Variants in SYCP2L observed in about 807,000 individuals in gnomAD.
The protein encoded by SYCP2L is synaptonemal complex protein 2 like.
Under a neutral mutation model 125.8 loss-of-function variants are expected in SYCP2L, and 98 were observed. That is an observed-to-expected ratio of 0.78 (90% CI 0.66 to 0.92). The LOEUF (loss-of-function observed/expected upper bound fraction) is 0.92, where lower values mean the gene tolerates loss of function less well. SYCP2L is among the 40% of genes least tolerant of loss of function. The pLI is 0.00. For synonymous variants in SYCP2L, 317 were observed against 325.4 expected (o/e 0.97, Z 0.28); for missense variants, 842 against 936.4 (o/e 0.90, Z 1.32).
chr6:10,973,358 C>A (rs990839922), intron 29 of SYCP2L, among the ~76,000 whole-genome samples: 5 of 152,152 alleles, frequency 3.3e-5, no homozygotes, highest in African/African-American at 9.7e-5. Context: ...TGTGGCGAAA[C>A]CCCGTCTCTA....
intron 11 of SYCP2L, 52 bp downstream of exon 11, chr6:10,910,252 A>C (rs1281312755): frequency 7.9e-6 from 12 of 1,524,596 alleles, no homozygotes; most frequent in Admixed American, 1.7e-5. Flanking sequence ...AAAATGTCTA[A>C]TATTTTAAAA....
At chr6:10,936,359 T>C (rs1048814813) in intron 21 of SYCP2L, among the ~76,000 whole-genome samples, 2 of 151,944 alleles carry the variant, frequency 1.3e-5, no homozygotes, top group African/African-American at 4.8e-5. Flanking sequence ...TAGCCAGGCA[T>C]GGTGGCAGGC....
intron 23 of SYCP2L, among the ~76,000 whole-genome samples, chr6:10,945,823 T>TTTACCTTATTG (rs1383699743): frequency 6.6e-6 from 1 of 151,346 alleles, no homozygotes; most frequent in Non-Finnish European, 1.5e-5. Flanking sequence ...AAGTAAAATA[T>TTTACCTTATTG]TTACCTTATT....
chr6:10,917,088 C>A (rs1001194159), intron 14 of SYCP2L, among the ~76,000 whole-genome samples: 3 of 152,146 alleles, frequency 2.0e-5, no homozygotes. Context: ...GAGAAAGTTC[C>A]AGGCACCTGT....
chr6:10,926,777 TTTTC>T (rs1780904753), intron 16 of SYCP2L, among the ~76,000 whole-genome samples: 1 of 129,248 alleles, frequency 7.7e-6, no homozygotes, highest in Non-Finnish European at 1.7e-5. Context: ...CATAGATTTC[TTTTC>T]TTTTTTTTTT....
At chr6:10,943,955 G>A (rs933423606) in intron 23 of SYCP2L, among the ~76,000 whole-genome samples, 5 of 152,250 alleles carry the variant, frequency 3.3e-5, no homozygotes, top group East Asian at 1.9e-4. Context: ...TTCCAGTGCT[G>A]TGGGATATTT....
At chr6:10,946,902 G>T (rs1781326104) in intron 23 of SYCP2L, among the ~76,000 whole-genome samples, 1 of 151,624 alleles carries the variant, frequency 6.6e-6, no homozygotes. Context: ...ATCAGTTCTG[G>T]AACATTCTCA....
chr6:10,968,681 G>A lies in SYCP2L; in HGVS notation c.*37+4838G>A, dbSNP rs181252276. ...GTAGGGGCAGGAGAGAAAGACCTCAGGGAGTGGGGAAGGCAGGGAAGAGCA... is the reference window on the plus strand; with the variant it reads ...GTAGGGGCAGGAGAGAAAGACCTCAAGGAGTGGGGAAGGCAGGGAAGAGCA... On this transcript the variant is annotated intron_variant, in intron 29 of 29. Coordinates refer to ENST00000283141, the MANE Select transcript of SYCP2L (RefSeq NM_001040274.3). 2.6e-3 allele frequency among the ~76,000 whole-genome samples: 391 copies of A among 152,326 alleles called. 5 individuals are homozygous for A. Among genetic ancestry groups the A allele is most frequent in the South Asian group, 9.7e-3 (47 of 4,832 alleles).
In SYCP2L at chr6:10,891,587, G is replaced by A; in HGVS notation, c.78+6G>A. 6.5e-7 allele frequency: 1 copy of A among 1,549,718 alleles called. No individual in the cohort carries two copies. Among genetic ancestry groups the A allele is most frequent in the Non-Finnish European group, 8.9e-7 (1 of 1,126,472 alleles). ...CCCAGGATGATGCTTTCTGGGTAAA[G>A]ATCAAGTTTCTTTTATAATCTCTCT... On this transcript the variant is annotated splice_donor_region_variant and intron_variant, in intron 2 of 29. Coordinates refer to ENST00000283141, the MANE Select transcript of SYCP2L (RefSeq NM_001040274.3).
intron 7 of SYCP2L, 47 bp from the exon 8 acceptor site, chr6:10,902,828 T>A (rs1418894451): frequency 6.2e-7 from 1 of 1,610,768 alleles, no homozygotes; most frequent in Non-Finnish European, 8.5e-7. Flanking sequence ...CGTACATAGG[T>A]CTCTGTTTTC....
At chr6:10,923,380 C>CTTTTTTTT (rs1226992236) in intron 14 of SYCP2L, among the ~76,000 whole-genome samples, 7 of 92,476 alleles carry the variant, frequency 7.6e-5, no homozygotes, top group Non-Finnish European at 1.2e-4. Flanking sequence ...GAAACACACA[C>CTTTTTTTT]TTTTTTTTTT....
intron 20 of SYCP2L, 59 bp downstream of exon 20, chr6:10,931,548 C>A: frequency 6.8e-7 from 1 of 1,475,108 alleles, no homozygotes. Flanking sequence ...ATTTATTTCT[C>A]CAAAAACAAC....
chr6:10,970,357 G>A (rs796605308), intron 29 of SYCP2L, among the ~76,000 whole-genome samples: 13 of 152,296 alleles, frequency 8.5e-5, no homozygotes, highest in African/African-American at 2.9e-4. Flanking sequence ...AGTCAGGAAG[G>A]GTGTGGGTGT....
At chr6:10,928,838 A>C (rs1410625380) in intron 18 of SYCP2L, among the ~76,000 whole-genome samples, 1 of 151,332 alleles carries the variant, frequency 6.6e-6, no homozygotes, top group Non-Finnish European at 1.5e-5. Context: ...ATGCCCCATC[A>C]GCCATCTGTC....
chr6:10,935,086 A>G lies in SYCP2L; in HGVS notation c.1712A>G (p.Glu571Gly). ...AAGCTTCTATCACCATCAGAGAAAG[A>G]AATACCCGAGCAAAATAACACCACA... ...QAKLLSPSEK[E>G]IPEQNNTTSP... Residue 571 changes from glutamate (E) to glycine (G), a missense_variant, in exon 21 of 30, where the codon GAA becomes GGA. Transcript: ENST00000283141. 6.2e-7 allele frequency: 1 copy of G among 1,611,642 alleles called. No homozygotes were observed. Among genetic ancestry groups the G allele is most frequent in the Non-Finnish European group, 8.5e-7 (1 of 1,179,142 alleles).
Position 10,964,026 on chromosome 6 carries a change from C to T in SYCP2L, c.*37+183C>T, listed in dbSNP as rs529190503. Among the ~76,000 whole-genome samples, 3 of 149,976 alleles carry T rather than the reference C, an allele frequency of 2.0e-5. No individual in the cohort carries two copies. In the Admixed American group the frequency reaches 2.0e-4, roughly 10 times the overall value. On this transcript the variant is annotated intron_variant, in intron 29 of 29. Coordinates refer to ENST00000283141, the MANE Select transcript of SYCP2L (RefSeq NM_001040274.3). ...AGGCTGGAGTGCAGTGGCATGATCTCGGCTCACTGCAAGCTCCGCCTCCCA... is the reference window on the plus strand; with the variant it reads ...AGGCTGGAGTGCAGTGGCATGATCTTGGCTCACTGCAAGCTCCGCCTCCCA...
intron 4 of SYCP2L, among the ~76,000 whole-genome samples, chr6:10,897,061 G>C (rs1780269756): frequency 6.6e-6 from 1 of 151,786 alleles, no homozygotes; most frequent in South Asian, 2.1e-4. Context: ...TTCTAAGAGT[G>C]ACCAGTCTCA....
chr6:10,948,633 G>A (rs1746764), intron 23 of SYCP2L, among the ~76,000 whole-genome samples: 50,647 of 151,688 alleles, frequency 0.33, 9,401 homozygotes, highest in Non-Finnish European at 0.43. Flanking sequence ...CCTTATTAAT[G>A]AGCTTTACAT....
chr6:10,892,171 C>G (rs1046308198), intron 2 of SYCP2L, among the ~76,000 whole-genome samples: 1 of 152,172 alleles, frequency 6.6e-6, no homozygotes, highest in Non-Finnish European at 1.5e-5. Context: ...GGCCCCGAGG[C>G]AAGGAAGAGC....
Sources: gnomAD v4.1 joint callset for allele counts (sites outside exome capture counted in the v4.1 genomes callset) on GRCh38, gnomAD v4.1.1 for gene constraint, MANE v1.5 for transcripts, NCBI Gene and HGNC (gene_info 2026-07-23, HGNC 2026-07-21) for gene names.